Variants in SLC41A3 observed in about 807,000 individuals in gnomAD.
SLC41A3 encodes the protein solute carrier family 41 member 3.
SLC41A3 carries 44 observed loss-of-function variants against 45.4 expected under a neutral mutation model. The ratio of observed to expected loss-of-function variants is 0.97; its 90% CI spans 0.76 to 1.25. SLC41A3 has a LOEUF of 1.25. Ranked by LOEUF, SLC41A3 falls within the 50% of genes most tolerant of loss-of-function variation. SLC41A3 has a pLI of 0.00. For synonymous variants in SLC41A3, 256 were observed against 252.4 expected, an observed-to-expected ratio of 1.01 and a Z score of -0.13; for missense variants, 550 against 600.6, an observed-to-expected ratio of 0.92 and a Z score of 0.88.
chr3:126,083,607 A>AG (rs1945276715), intron 1 of SLC41A3, among the ~76,000 whole-genome samples: 1 of 151,902 alleles, frequency 6.6e-6, no homozygotes. Flanking sequence ...TGAGGCAGCG[A>AG]GGGGTCCCTG....
intron 1 of SLC41A3, among the ~76,000 whole-genome samples, chr3:126,075,054 C>T (rs1310497193): frequency 1.3e-5 from 2 of 152,090 alleles, no homozygotes; most frequent in Non-Finnish European, 2.9e-5. Flanking sequence ...AGGTGATCCT[C>T]CCACCTCAGC....
At chr3:126,085,957 A>G (rs1243443121), upstream of SLC41A3, among the ~76,000 whole-genome samples, 1 of 152,212 alleles carries the variant, frequency 6.6e-6, no homozygotes, top group Non-Finnish European at 1.5e-5. Flanking sequence ...CTCAAAGGTA[A>G]TAGACCTCTG....
intron 4 of SLC41A3, among the ~76,000 whole-genome samples, chr3:126,028,015 C>A (rs1941500331): frequency 6.6e-6 from 1 of 152,090 alleles, no homozygotes; most frequent in African/African-American, 2.4e-5. Context: ...AGAAATGATG[C>A]AAAACTGGAA....
Position 126,026,575 on chromosome 3 carries a change from C to T in SLC41A3, c.454-96G>A. On this transcript the variant is annotated intron_variant, in intron 4 of 10. Coordinates refer to ENST00000360370, the MANE Select transcript of SLC41A3 (RefSeq NM_017836.4). This position sits in a 1 kb window ranked among gnomAD's most constrained non-coding sequence, Gnocchi z 4.2. ...TCACTCACCGCAAGGGGCCGGGTGC[C>T]ACATGCTACTGCCTCCTTTCCCTTA... 3 of 1,462,770 alleles carry T rather than the reference C, an allele frequency of 2.1e-6. No individual in the cohort carries two copies. The highest frequency in any genetic ancestry group is 2.8e-6 in the Non-Finnish European group (3 of 1,081,446). 90.6% of individuals were successfully genotyped at this position (1,462,770 alleles called of 1,614,324 possible).
intron 10 of SLC41A3, 112 bp downstream of exon 10, chr3:126,008,620 C>G (rs1477769850): frequency 3.4e-6 from 5 of 1,473,042 alleles, no homozygotes; most frequent in Non-Finnish European, 4.7e-6. Flanking sequence ...GACTGTGCCC[C>G]ACACGTCCAG....
chr3:126,092,242 AC>A (rs1945502865), intron 1 of SLC41A3, among the ~76,000 whole-genome samples: 1 of 152,226 alleles, frequency 6.6e-6, no homozygotes, highest in African/African-American at 2.4e-5. Context: ...GGCAAGGAAC[AC>A]CTGGCCCACC....
At position 126,062,916 on chromosome 3, in the gene SLC41A3, C is replaced by T. The variant is rs528581813; in HGVS notation, c.273+5031G>A. 7.2e-5 allele frequency among the ~76,000 whole-genome samples: 11 copies of T among 152,284 alleles called. No homozygotes were observed. The East Asian group carries it at 1.4e-3, about 19-fold the overall frequency. On this transcript the variant is annotated intron_variant, in intron 2 of 10. Transcript: ENST00000360370. The stretch of plus-strand genomic sequence containing the variant: ...TTACTCTTATTAGTGCCCCCAGAAA[C>T]GCCTTCATGGAAGAGAGGGGCATTA...
At chr3:126,016,995 G>C (rs939350083) in intron 6 of SLC41A3, 120 bp from the exon 7 acceptor site, 7 of 1,231,360 alleles carry the variant, frequency 5.7e-6, no homozygotes, top group Non-Finnish European at 7.7e-6. Context: ...AGTTGAGGGG[G>C]AACTGCCTTG....
Position 126,006,792 on chromosome 3 carries a change from T to G in SLC41A3, c.*224A>C. 1 of 1,443,252 alleles carries G rather than the reference T, an allele frequency of 6.9e-7. No homozygotes were observed. Among genetic ancestry groups the G allele is most frequent in the South Asian group, 1.5e-5 (1 of 67,016 alleles). The allele number at this position is 1,443,252 out of a possible 1,614,324, so 89.4% of individuals were successfully genotyped here. A position where few individuals can be genotyped will look rare whatever the true frequency, so the allele number is the denominator to read the frequency against. ...GCTCATTAAGCATGTGCACACATCATATTCACACACTCAAGCCATGCTCTT... is the reference window on the plus strand; with the variant it reads ...GCTCATTAAGCATGTGCACACATCAGATTCACACACTCAAGCCATGCTCTT... On this transcript the variant is annotated 3_prime_UTR_variant, in exon 11 of 11. Transcript: ENST00000360370.
At chr3:126,046,228 T>C (rs944411106) in intron 3 of SLC41A3, among the ~76,000 whole-genome samples, 2 of 152,062 alleles carry the variant, frequency 1.3e-5, no homozygotes, top group African/African-American at 4.8e-5. Flanking sequence ...AACACACTAC[T>C]AAAAGTTCTG....
chr3:126,091,824 G>A (rs1945493184), intron 1 of SLC41A3, among the ~76,000 whole-genome samples: 1 of 152,164 alleles, frequency 6.6e-6, no homozygotes, highest in South Asian at 2.1e-4. Context: ...TTTATGGCCT[G>A]CTATCTGTCA....
At chr3:126,023,091 T>A in intron 5 of SLC41A3, 159 bp from the exon 6 acceptor site, 1 of 967,448 alleles carries the variant, frequency 1.0e-6, no homozygotes, top group Non-Finnish European at 1.5e-6. Context: ...GTCCTTGACG[T>A]GAAGCCAGGC....
At chr3:126,015,407 C>G in intron 8 of SLC41A3, 87 bp downstream of exon 8, 1 of 1,352,454 alleles carries the variant, frequency 7.4e-7, no homozygotes, top group Non-Finnish European at 1.1e-6. Flanking sequence ...GCTGGTGCTG[C>G]CCCTCTGAGG....
At chr3:126,059,300 A>AAGAGAG (rs1491193754) in intron 2 of SLC41A3, among the ~76,000 whole-genome samples, 1 of 102,712 alleles carries the variant, frequency 9.7e-6, no homozygotes, top group Non-Finnish European at 2.2e-5. Flanking sequence ...GAAAGAAAGA[A>AAGAGAG]AGAAAGAAAG....
At chr3:126,053,070 A>G (rs968755086) in intron 2 of SLC41A3, among the ~76,000 whole-genome samples, 1 of 152,238 alleles carries the variant, frequency 6.6e-6, no homozygotes, top group Non-Finnish European at 1.5e-5. Flanking sequence ...CGGGTATCAC[A>G]CAACCGTGAC....
intron 2 of SLC41A3, among the ~76,000 whole-genome samples, chr3:126,051,260 C>T (rs995668970): frequency 5.3e-5 from 8 of 152,244 alleles, no homozygotes; most frequent in African/African-American, 1.7e-4. Context: ...TATCAGCGGC[C>T]GTAAGCACAC....
intron 9 of SLC41A3, among the ~76,000 whole-genome samples, 196 bp from the exon 10 acceptor site, chr3:126,009,076 A>G (rs2107636010): frequency 6.6e-6 from 1 of 152,356 alleles, no homozygotes; most frequent in Middle Eastern, 3.4e-3. Flanking sequence ...GATATTTTAG[A>G]GAAGAGAAAC....
At chr3:126,070,380 C>G (rs1944561204) in intron 1 of SLC41A3, 1 of 152,248 alleles carries the variant, frequency 6.6e-6, no homozygotes, top group Non-Finnish European at 1.5e-5. Flanking sequence ...CGCAGGGGAT[C>G]TAGGTTGTGT....
intron 2 of SLC41A3, among the ~76,000 whole-genome samples, chr3:126,057,743 C>T (rs1314900718): frequency 6.6e-6 from 1 of 152,258 alleles, no homozygotes; most frequent in Non-Finnish European, 1.5e-5. Context: ...ACCTGTTCCC[C>T]TCGTGCCCCC....
Sources: gnomAD v4.1 joint callset for allele counts (sites outside exome capture counted in the v4.1 genomes callset) on GRCh38, gnomAD v4.1.1 for gene constraint, Gnocchi (gnomAD v3.1) non-coding constraint, MANE v1.5 for transcripts, NCBI Gene and HGNC (gene_info 2026-07-23, HGNC 2026-07-21) for gene names.